Variants in PIK3R3 observed in about 807,000 individuals in gnomAD.
PIK3R3 encodes phosphatidylinositol 3-kinase regulatory subunit gamma.
A neutral mutation model predicts 62.9 loss-of-function variants in PIK3R3; 64 were observed. The observed-to-expected ratio is 1.02, with a 90% CI of 0.83 to 1.25. The LOEUF (loss-of-function observed/expected upper bound fraction) is 1.25. Ranked by LOEUF, PIK3R3 falls within the 50% of genes most tolerant of loss-of-function variation. PIK3R3 has a pLI of 0.00. For missense variants in PIK3R3, 614 were observed against 561.6 expected, an observed-to-expected ratio of 1.09 and a Z score of -0.94; for synonymous variants, 165 against 189.0, an observed-to-expected ratio of 0.87 and a Z score of 1.04.
At chr1:46,104,601 C>T (rs1653009239) in intron 1 of PIK3R3, among the ~76,000 whole-genome samples, 1 of 152,126 alleles carries the variant, frequency 6.6e-6, no homozygotes, top group Non-Finnish European at 1.5e-5. Flanking sequence ...TACCACAGTT[C>T]TATCTTCACC....
upstream of PIK3R3, among the ~76,000 whole-genome samples, chr1:46,137,182 A>G (rs1369261528): frequency 6.6e-6 from 1 of 152,198 alleles, no homozygotes; most frequent in Non-Finnish European, 1.5e-5. Context: ...GCTGCACCAC[A>G]CAGCCTTCCT....
chr1:46,114,557 G>A (rs373253915), intron 1 of PIK3R3, among the ~76,000 whole-genome samples: 2 of 151,926 alleles, frequency 1.3e-5, no homozygotes, highest in African/African-American at 4.8e-5. Flanking sequence ...CCAAGCCTAC[G>A]GAACCTACTC....
intron 8 of PIK3R3, 100 bp from the exon 9 acceptor site, chr1:46,046,188 C>G: frequency 2.7e-6 from 2 of 744,322 alleles, no homozygotes; most frequent in Admixed American, 6.1e-5. Context: ...CCACAAATAA[C>G]AAAGCAAAAT....
At chr1:46,065,445 T>C (rs1279424940) in intron 5 of PIK3R3, among the ~76,000 whole-genome samples, 1 of 152,242 alleles carries the variant, frequency 6.6e-6, no homozygotes, top group African/African-American at 2.4e-5. Flanking sequence ...CATCAGCTCC[T>C]TCTTCCTCAG....
chr1:46,147,169 C>T, the PIK3R3 span, among the ~76,000 whole-genome samples: 4 of 152,306 alleles, frequency 2.6e-5, no homozygotes, highest in South Asian at 4.1e-4. Flanking sequence ...AGTGCATTGA[C>T]ATGATCTCGG....
intron 1 of PIK3R3, among the ~76,000 whole-genome samples, chr1:46,115,192 T>C (rs1654080628): frequency 6.6e-6 from 1 of 152,140 alleles, no homozygotes; most frequent in Non-Finnish European, 1.5e-5. Flanking sequence ...GCCAAGAGAA[T>C]TATAGAAAAA....
chr1:46,072,209 T>C (rs1276138705), intron 3 of PIK3R3, among the ~76,000 whole-genome samples: 1 of 152,220 alleles, frequency 6.6e-6, no homozygotes, highest in East Asian at 1.9e-4. Flanking sequence ...ATTTTCTCAT[T>C]CCCTTTGTCC....
intron 1 of PIK3R3, among the ~76,000 whole-genome samples, chr1:46,121,308 G>C (rs2149468103): frequency 6.6e-6 from 1 of 152,248 alleles, no homozygotes; most frequent in Middle Eastern, 3.4e-3. Flanking sequence ...ACATAAATTA[G>C]ACCATATTGA....
chr1:46,149,500 A>T, the PIK3R3 span, among the ~76,000 whole-genome samples: 71 of 150,588 alleles, frequency 4.7e-4, no homozygotes, highest in Middle Eastern at 3.4e-3. Context: ...TCCAGAAGTT[A>T]CTCTATATGT....
At chr1:46,145,258 A>C in the PIK3R3 span, among the ~76,000 whole-genome samples, 1 of 152,020 alleles carries the variant, frequency 6.6e-6, no homozygotes, top group Admixed American at 6.6e-5. Flanking sequence ...TCTATCCTGC[A>C]CTGTGAGACT....
Position 46,042,341 on chromosome 1 carries a change from G to A in PIK3R3, c.*1332C>T. On this transcript the variant is annotated 3_prime_UTR_variant, in exon 10 of 10. Coordinates refer to ENST00000262741, the MANE Select transcript of PIK3R3 (RefSeq NM_003629.4). This position sits in a 1 kb window ranked among gnomAD's most constrained non-coding sequence, Gnocchi z 4.3. Reference sequence around the variant, plus strand: ...CTTAATGGCAGGATCACAAAAAAAGGCAAAGAGAAAAGCTTCCAGATGGCT... The same window carrying A: ...CTTAATGGCAGGATCACAAAAAAAGACAAAGAGAAAAGCTTCCAGATGGCT... 4.4e-6 allele frequency: 1 copy of A among 228,930 alleles called. No individual in the cohort carries two copies. The highest frequency in any genetic ancestry group is 8.7e-6 in the Non-Finnish European group (1 of 115,366). 14.2% of individuals were successfully genotyped at this position (228,930 alleles called of 1,614,324 possible). A position where few individuals can be genotyped will look rare whatever the true frequency, so the allele number is the denominator to read the frequency against.
At chr1:46,166,358 G>A in the PIK3R3 span, among the ~76,000 whole-genome samples, 3 of 151,804 alleles carry the variant, frequency 2.0e-5, no homozygotes. Context: ...GAGTAGTTGG[G>A]ATTACAGGTG....
At chr1:46,162,729 C>T in the PIK3R3 span, among the ~76,000 whole-genome samples, 2 of 152,074 alleles carry the variant, frequency 1.3e-5, no homozygotes, top group Admixed American at 1.3e-4. Flanking sequence ...TCAAGTGATT[C>T]TCCTGCCTCA....
chr1:46,149,762 G>A, the PIK3R3 span, among the ~76,000 whole-genome samples: 3 of 152,002 alleles, frequency 2.0e-5, no homozygotes, highest in Non-Finnish European at 4.4e-5. Flanking sequence ...AACTCCTGAC[G>A]TCAAGGGATC....
At chr1:46,065,065 T>C (rs1208479150) in intron 5 of PIK3R3, among the ~76,000 whole-genome samples, 1 of 152,192 alleles carries the variant, frequency 6.6e-6, no homozygotes, top group Non-Finnish European at 1.5e-5. Flanking sequence ...TATAAATCAT[T>C]TGATATTCAA....
At chr1:46,152,208 A>C in the PIK3R3 span, among the ~76,000 whole-genome samples, 2 of 152,042 alleles carry the variant, frequency 1.3e-5, no homozygotes, top group African/African-American at 2.4e-5. Flanking sequence ...AGCATTCAAC[A>C]CTCAGCCAAC....
intron 3 of PIK3R3, among the ~76,000 whole-genome samples, chr1:46,073,489 G>C (rs1375374566): frequency 6.6e-6 from 1 of 152,156 alleles, no homozygotes; most frequent in Non-Finnish European, 1.5e-5. Flanking sequence ...ATCCACTGTA[G>C]CAACCCAGTC....
At chr1:46,086,251 T>C (rs1651043392) in intron 1 of PIK3R3, among the ~76,000 whole-genome samples, 1 of 152,172 alleles carries the variant, frequency 6.6e-6, no homozygotes, top group Non-Finnish European at 1.5e-5. Context: ...CAGAGAACAC[T>C]GTAGGTATGT....
chr1:46,053,043 A>G (rs1046051976), intron 7 of PIK3R3, among the ~76,000 whole-genome samples: 1 of 152,228 alleles, frequency 6.6e-6, no homozygotes, highest in Non-Finnish European at 1.5e-5. Context: ...CAGCATTAGA[A>G]TAGATCAAAT....
Sources: gnomAD v4.1 joint callset for allele counts (sites outside exome capture counted in the v4.1 genomes callset) on GRCh38, gnomAD v4.1.1 for gene constraint, Gnocchi (gnomAD v3.1) non-coding constraint, MANE v1.5 for transcripts, NCBI Gene and HGNC (gene_info 2026-07-23, HGNC 2026-07-21) for gene names.